CSGALNACT1: variants seen among roughly 807,000 people sequenced by gnomAD.
CSGALNACT1 encodes chondroitin sulfate N-acetylgalactosaminyltransferase 1, also known as beta4GalNAcT-1.
Under a neutral mutation model 51.0 loss-of-function variants are expected in CSGALNACT1, and 52 were observed. The observed-to-expected ratio is 1.02, with a 90% confidence interval of 0.82 to 1.29. CSGALNACT1 has a LOEUF of 1.29. Among genes scored for constraint, CSGALNACT1 ranks in the 50% most tolerant of loss-of-function variants. The pLI is 0.00. For missense variants in CSGALNACT1, 935 were observed against 679.2 expected (o/e 1.38, Z -4.19); for synonymous variants, 341 against 254.4 (o/e 1.34, Z -3.24).
chr8:19,707,024 G>A (rs1230714782), intron 1 of CSGALNACT1, among the ~76,000 whole-genome samples: 2 of 151,970 alleles, frequency 1.3e-5, no homozygotes, highest in Non-Finnish European at 2.9e-5. Context: ...GTGAGATGGG[G>A]GAAGGAGAGA....
At chr8:19,671,454 A>G (rs776762475) in intron 1 of CSGALNACT1, among the ~76,000 whole-genome samples, 2 of 152,176 alleles carry the variant, frequency 1.3e-5, no homozygotes, top group Non-Finnish European at 2.9e-5. Context: ...TAAAATTTAT[A>G]AAGTTAACAC....
At chr8:19,514,088 T>C (rs1053622915) in intron 3 of CSGALNACT1, among the ~76,000 whole-genome samples, 1 of 152,184 alleles carries the variant, frequency 6.6e-6, no homozygotes, top group Non-Finnish European at 1.5e-5. Flanking sequence ...ATGGGCCAAG[T>C]GCTTTATCTT....
intron 1 of CSGALNACT1, among the ~76,000 whole-genome samples, chr8:19,665,585 G>A (rs1415093586): frequency 6.6e-6 from 1 of 152,126 alleles, no homozygotes; most frequent in Admixed American, 6.6e-5. Flanking sequence ...TCAGGCCCAG[G>A]AAGCCACGGA....
chr8:19,453,639 T>C (rs565004908), intron 5 of CSGALNACT1, among the ~76,000 whole-genome samples: 3 of 152,316 alleles, frequency 2.0e-5, no homozygotes, highest in South Asian at 2.1e-4. Context: ...TGGCCAGGTG[T>C]GGTGGCTCAC....
At chr8:19,585,528 A>C (rs1482306360) in intron 3 of CSGALNACT1, among the ~76,000 whole-genome samples, 1 of 152,226 alleles carries the variant, frequency 6.6e-6, no homozygotes, top group Non-Finnish European at 1.5e-5. Context: ...GGATGTTGTC[A>C]TTTGAGCTCT....
intron 1 of CSGALNACT1, among the ~76,000 whole-genome samples, chr8:19,618,645 AAAAAAAAAAAAGAAAGAAAG>A (rs1280285366): frequency 7.0e-6 from 1 of 142,044 alleles, no homozygotes; most frequent in African/African-American, 3.0e-5. Flanking sequence ...AAAAAAAAAA[AAAAAAAAAAAAGAAAGAAAG>A]AAAGAAAGAA....
chr8:19,527,683 A>G (rs2081975368), intron 3 of CSGALNACT1, among the ~76,000 whole-genome samples: 2 of 152,218 alleles, frequency 1.3e-5, no homozygotes, highest in Admixed American at 1.3e-4. Flanking sequence ...GACATTACGC[A>G]TGAGAACCAC....
intron 1 of CSGALNACT1, among the ~76,000 whole-genome samples, chr8:19,659,197 A>G (rs1228259623): frequency 1.3e-5 from 2 of 152,234 alleles, no homozygotes; most frequent in South Asian, 2.1e-4. Context: ...ATCTCACATA[A>G]GCTCAGTATA....
chr8:19,592,417 G>A (rs367821944), intron 2 of CSGALNACT1, among the ~76,000 whole-genome samples: 17 of 152,218 alleles, frequency 1.1e-4, no homozygotes, highest in South Asian at 4.1e-4. Flanking sequence ...ATTTATGTAC[G>A]TATATACATG....
intron 3 of CSGALNACT1, among the ~76,000 whole-genome samples, chr8:19,567,453 C>G (rs758235348): frequency 6.6e-6 from 1 of 152,196 alleles, no homozygotes; most frequent in Non-Finnish European, 1.5e-5. Flanking sequence ...TAAAACTCAT[C>G]ATCCACCAGA....
chr8:19,621,983 C>G (rs1420824101), intron 1 of CSGALNACT1, among the ~76,000 whole-genome samples: 1 of 152,152 alleles, frequency 6.6e-6, no homozygotes, highest in Admixed American at 6.5e-5. Flanking sequence ...TAAGCCTACA[C>G]AACAAACAAT....
At chr8:19,468,863 A>C (rs2067359238) in intron 4 of CSGALNACT1, among the ~76,000 whole-genome samples, 1 of 152,192 alleles carries the variant, frequency 6.6e-6, no homozygotes, top group Non-Finnish European at 1.5e-5. Flanking sequence ...GATGTGGGTC[A>C]GGTCAGCCAG....
intron 1 of CSGALNACT1, among the ~76,000 whole-genome samples, chr8:19,700,686 C>A (rs1233789848): frequency 6.6e-6 from 1 of 152,160 alleles, no homozygotes; most frequent in African/African-American, 2.4e-5. Flanking sequence ...CTCTCTTGAA[C>A]AAACTTCTTA....
At chr8:19,593,384 A>C (rs2048240819) in intron 2 of CSGALNACT1, among the ~76,000 whole-genome samples, 1 of 152,228 alleles carries the variant, frequency 6.6e-6, no homozygotes, top group Non-Finnish European at 1.5e-5. Context: ...TGAAGTCTGC[A>C]TCATTTTGTG....
At chr8:19,740,363 C>T (rs1457726016) in intron 1 of CSGALNACT1, among the ~76,000 whole-genome samples, 1 of 152,224 alleles carries the variant, frequency 6.6e-6, no homozygotes, top group African/African-American at 2.4e-5. Flanking sequence ...CAGGCAGCCT[C>T]AAAGCAGCTG....
chr8:19,541,185 A>T (rs1258869863), intron 3 of CSGALNACT1, among the ~76,000 whole-genome samples: 1 of 151,844 alleles, frequency 6.6e-6, no homozygotes, highest in Non-Finnish European at 1.5e-5. Context: ...GTAAGGGAGA[A>T]ACTCTAGCCT....
intron 4 of CSGALNACT1, among the ~76,000 whole-genome samples, chr8:19,461,001 A>G (rs2065237772): frequency 6.6e-6 from 1 of 152,160 alleles, no homozygotes; most frequent in African/African-American, 2.4e-5. Flanking sequence ...ACAGTTCCCC[A>G]GCAGTGAACA....
intron 6 of CSGALNACT1, among the ~76,000 whole-genome samples, chr8:19,439,071 T>C (rs936454091): frequency 6.6e-6 from 1 of 152,276 alleles, no homozygotes; most frequent in African/African-American, 2.4e-5. Flanking sequence ...ATTGCCCCCC[T>C]GCAAACCTCC....
At chr8:19,637,581 G>T (rs1589193085) in intron 1 of CSGALNACT1, among the ~76,000 whole-genome samples, 1 of 152,192 alleles carries the variant, frequency 6.6e-6, no homozygotes, top group South Asian at 2.1e-4. Flanking sequence ...ACAAGGGAAA[G>T]TAAGCCTCCA....
Sources: gnomAD v4.1 joint callset for allele counts (sites outside exome capture counted in the v4.1 genomes callset) on GRCh38, gnomAD v4.1.1 for gene constraint, MANE v1.5 for transcripts, NCBI Gene and HGNC (gene_info 2026-07-23, HGNC 2026-07-21) for gene names.